The following BRINP1 variants were observed in gnomAD, a reference collection of about 807,000 sequenced individuals.
BRINP1 encodes BMP/retinoic acid inducible neural specific 1.
BRINP1 carries 17 observed loss-of-function variants against 72.9 expected under a neutral mutation model. The ratio of observed to expected loss-of-function variants is 0.23; its 90% CI spans 0.16 to 0.35. BRINP1 has a LOEUF of 0.35. Among genes scored for constraint, BRINP1 ranks in the 10% least tolerant of loss-of-function variants. The probability of loss-of-function intolerance (pLI) is 1.00; values close to 1 mark genes in which losing one functional copy is unlikely to be tolerated. For missense variants in BRINP1, 850 were observed against 1,001.6 expected, an observed-to-expected ratio of 0.85 and a Z score of 2.04; for synonymous variants, 418 against 378.5, an observed-to-expected ratio of 1.10 and a Z score of -1.21.
At chr9:119,189,214 C>G (rs230079) in intron 7 of BRINP1, among the ~76,000 whole-genome samples, 1 of 151,620 alleles carries the variant, frequency 6.6e-6, no homozygotes, top group Non-Finnish European at 1.5e-5. Flanking sequence ...AACCAAAGAT[C>G]AGCACTACAG....
chr9:119,328,148 T>C (rs1193060216), intron 1 of BRINP1, among the ~76,000 whole-genome samples: 2 of 152,056 alleles, frequency 1.3e-5, no homozygotes, highest in African/African-American at 4.8e-5. Flanking sequence ...GAGAGAATAA[T>C]GGCAACAAAG....
intron 1 of BRINP1, among the ~76,000 whole-genome samples, chr9:119,334,534 T>A (rs1178455706): frequency 6.6e-6 from 1 of 152,164 alleles, no homozygotes; most frequent in African/African-American, 2.4e-5. Flanking sequence ...GAGCATGCCA[T>A]CAGGTTTAGC....
intron 7 of BRINP1, among the ~76,000 whole-genome samples, chr9:119,174,357 C>A (rs911008883): frequency 2.0e-5 from 3 of 150,228 alleles, no homozygotes; most frequent in African/African-American, 7.4e-5. Flanking sequence ...CCAAAAAACA[C>A]ATGAAAAAAT....
chr9:119,242,118 A>G lies in BRINP1; in HGVS notation c.508T>C (p.Ser170Pro). Reference sequence around the variant, plus strand: ...GTACCATCACGGTCAACAAAGTAGGATGATGCGAGCTGGTGCAGAGCTTCA... The same window carrying G: ...GTACCATCACGGTCAACAAAGTAGGGTGATGCGAGCTGGTGCAGAGCTTCA... ...SVEALHQLASSYFVDRDGTMR... is the reference protein window; with the variant it reads ...SVEALHQLASPYFVDRDGTMR... Residue 170 changes from serine (S) to proline (P), a missense_variant, in exon 4 of 8, where the codon TCC becomes CCC. By Grantham distance (74) the Ser-to-Pro change is moderately conservative. Transcript: ENST00000265922. The G allele has an allele frequency of 6.2e-7, 1 of 1,614,116 alleles. No homozygotes were observed. Among genetic ancestry groups the G allele is most frequent in the East Asian group, 2.2e-5 (1 of 44,860 alleles).
At chr9:119,225,359 CCCACCCTCCCA>C (rs1830079425) in intron 5 of BRINP1, among the ~76,000 whole-genome samples, 1 of 151,568 alleles carries the variant, frequency 6.6e-6, no homozygotes, top group African/African-American at 2.4e-5. Context: ...GTCCTAGAAT[CCCACCCTCCCA>C]CCACCCTCTG....
chr9:119,233,922 T>C (rs183845844), intron 5 of BRINP1, among the ~76,000 whole-genome samples: 49 of 152,240 alleles, frequency 3.2e-4, no homozygotes, highest in African/African-American at 9.9e-4. Context: ...CTAACTTGTT[T>C]CACTCAATGC....
chr9:119,321,062 C>T lies in BRINP1; in HGVS notation c.-50-7657G>A, dbSNP rs141456657. ...TCTCCTGCCTCAGCTTCCCGAGTAG[C>T]TGGGACTACAGGCGCCTGCCACTGT... On this transcript the variant is annotated intron_variant, in intron 1 of 7. Coordinates refer to ENST00000265922, the MANE Select transcript of BRINP1 (RefSeq NM_014618.3). Among the ~76,000 whole-genome samples the T allele has an allele frequency of 7.4e-3, 1,125 of 152,234 alleles. 10 individuals carry two copies. The highest frequency in any genetic ancestry group is 0.012 in the Admixed American group (190 of 15,288).
intron 3 of BRINP1, among the ~76,000 whole-genome samples, chr9:119,243,976 C>T (rs1216017798): frequency 6.6e-6 from 1 of 152,198 alleles, no homozygotes; most frequent in African/African-American, 2.4e-5. Flanking sequence ...CTGGGCACTC[C>T]AGCTATAACT....
At position 119,167,275 on chromosome 9, in the gene BRINP1, T is replaced by G. The variant is rs1490788990; in HGVS notation, c.2095A>C (p.Ile699Leu). 2 of 1,614,056 alleles carry G rather than the reference T, an allele frequency of 1.2e-6. No homozygotes were observed. The highest frequency in any genetic ancestry group is 1.7e-6 in the Non-Finnish European group (2 of 1,180,042). Residue 699 changes from isoleucine to leucine, a missense_variant, in exon 8 of 8, where the codon ATT (isoleucine) becomes CTT (leucine). Physicochemically the swap from Ile to Leu is conservative, Grantham distance 5 (BLOSUM62 2). Coordinates refer to ENST00000265922, the MANE Select transcript of BRINP1 (RefSeq NM_014618.3). This position sits in a 1 kb window ranked among gnomAD's most constrained non-coding sequence, Gnocchi z 4.3. Reference protein sequence around the residue: ...SSSVMLLLLDIRDRINRLAPP... With the variant: ...SSSVMLLLLDLRDRINRLAPP... Reference sequence around the variant, plus strand: ...GCCAGGCGATTAATTCGGTCCCGAATATCCAACAAGAGGAGCATCACTGAC... The same window carrying G: ...GCCAGGCGATTAATTCGGTCCCGAAGATCCAACAAGAGGAGCATCACTGAC...
chr9:119,302,199 A>T (rs915298586), intron 2 of BRINP1, among the ~76,000 whole-genome samples: 12 of 152,232 alleles, frequency 7.9e-5, no homozygotes, highest in Admixed American at 3.3e-4. Flanking sequence ...AGAACACAAT[A>T]CATTCCTTTC....
In BRINP1 at chr9:119,167,666, G is replaced by A. The variant is rs894094116; in HGVS notation, c.1704C>T (p.Ser568=). 7.4e-6 allele frequency: 12 copies of A among 1,613,914 alleles called. No homozygotes were observed. Among genetic ancestry groups the A allele is most frequent in the African/African-American group, 2.7e-5 (2 of 74,900 alleles). Residue 568 remains serine, a synonymous_variant, in exon 8 of 8, where the codon AGC becomes AGT. Coordinates refer to ENST00000265922, the MANE Select transcript of BRINP1 (RefSeq NM_014618.3). This position sits in a 1 kb window ranked among gnomAD's most constrained non-coding sequence, Gnocchi z 4.3. ...PMFFVYVNPF[S]GSHSEGWNMP... ...TGTTCCAGCCCTCCGAATGGCTCCC[G>A]CTAAAGGGGTTGACATAGACAAAGA... is the stretch of plus-strand genomic sequence containing the variant.
At chr9:119,201,510 C>T (rs749695215) in intron 7 of BRINP1, among the ~76,000 whole-genome samples, 7 of 152,070 alleles carry the variant, frequency 4.6e-5, no homozygotes, top group Non-Finnish European at 1.0e-4. Context: ...CAAAGAAAAC[C>T]GCTAAAGAGC....
intron 7 of BRINP1, among the ~76,000 whole-genome samples, chr9:119,198,965 GCCCAGC>G (rs1829775744): frequency 6.6e-6 from 1 of 152,042 alleles, no homozygotes; most frequent in Non-Finnish European, 1.5e-5. Context: ...GAGCCACCGT[GCCCAGC>G]CTTGAATATA....
At chr9:119,355,606 G>A (rs1831555021) in intron 1 of BRINP1, among the ~76,000 whole-genome samples, 2 of 151,890 alleles carry the variant, frequency 1.3e-5, no homozygotes, top group South Asian at 2.1e-4. Context: ...GTGGGTGCCT[G>A]TAGTCCCAGC....
At chr9:119,282,749 AT>A in intron 2 of BRINP1, 1 of 963,806 alleles carries the variant, frequency 1.0e-6, no homozygotes. Context: ...TTGTTCCTTT[AT>A]TTTCAAAAAC....
At chr9:119,326,624 T>A (rs1831243170) in intron 1 of BRINP1, among the ~76,000 whole-genome samples, 1 of 152,212 alleles carries the variant, frequency 6.6e-6, no homozygotes, top group Admixed American at 6.5e-5. Context: ...CCCCAAATTA[T>A]CAGCAGTCTA....
At chr9:119,191,518 A>G (rs1171547267) in intron 7 of BRINP1, among the ~76,000 whole-genome samples, 4 of 151,892 alleles carry the variant, frequency 2.6e-5, no homozygotes, top group Non-Finnish European at 5.9e-5. Context: ...TTTTAAAAAG[A>G]ATCTCATTTA....
At chr9:119,218,380 T>C (rs1265779203) in intron 5 of BRINP1, among the ~76,000 whole-genome samples, 7 of 152,038 alleles carry the variant, frequency 4.6e-5, no homozygotes, top group South Asian at 4.2e-4. Context: ...CTTGACCTCA[T>C]GATCCACTTG....
At chr9:119,210,176 C>G (rs1329286291) in intron 6 of BRINP1, among the ~76,000 whole-genome samples, 1 of 152,142 alleles carries the variant, frequency 6.6e-6, no homozygotes, top group Admixed American at 6.5e-5. Context: ...TCTAATAATC[C>G]AATCTGTTGT....
Sources: allele counts gnomAD v4.1 joint callset (sites outside exome capture counted in the v4.1 genomes callset), GRCh38; gene constraint gnomAD v4.1.1; non-coding constraint Gnocchi (gnomAD v3.1); transcripts MANE v1.5; gene names NCBI Gene and HGNC (gene_info 2026-07-23, HGNC 2026-07-21).